The following NEGR1 variants were observed in gnomAD, a reference collection of about 807,000 sequenced individuals.
NEGR1 encodes IgLON family member 4.
A neutral mutation model predicts 40.9 loss-of-function variants in NEGR1; 10 were observed. That is an observed-to-expected ratio of 0.24 (90% CI 0.15 to 0.42). NEGR1 has a LOEUF of 0.42. Among genes scored for constraint, NEGR1 ranks in the 10% least tolerant of loss-of-function variants. NEGR1 has a pLI of 1.00. For missense variants in NEGR1, 352 were observed against 438.9 expected (o/e 0.80, Z 1.77); for synonymous variants, 185 against 166.8 (o/e 1.11, Z -0.84).
intron 3 of NEGR1, among the ~76,000 whole-genome samples, chr1:71,716,876 C>G (rs958759740): frequency 6.6e-6 from 1 of 151,998 alleles, no homozygotes; most frequent in African/African-American, 2.4e-5. Flanking sequence ...CATTGTTTTT[C>G]CCTTAAAAAT....
intron 6 of NEGR1, among the ~76,000 whole-genome samples, chr1:71,549,341 C>G (rs1225835170): frequency 6.6e-6 from 1 of 151,680 alleles, no homozygotes; most frequent in Admixed American, 6.6e-5. Context: ...CTGGAAAGAA[C>G]AAAAGTTATC....
At chr1:71,489,511 C>G (rs1646911155) in intron 6 of NEGR1, among the ~76,000 whole-genome samples, 1 of 151,602 alleles carries the variant, frequency 6.6e-6, no homozygotes, top group African/African-American at 2.4e-5. Flanking sequence ...AGTATTTTTT[C>G]CTACTCTAAA....
At chr1:72,185,226 T>C (rs149375259) in intron 1 of NEGR1, among the ~76,000 whole-genome samples, 271 of 151,980 alleles carry the variant, frequency 1.8e-3, no homozygotes, top group African/African-American at 6.2e-3. Flanking sequence ...ATCTTATATA[T>C]GCAATTATTA....
At chr1:72,170,732 A>G (rs930879211) in intron 1 of NEGR1, among the ~76,000 whole-genome samples, 1 of 152,164 alleles carries the variant, frequency 6.6e-6, no homozygotes, top group Non-Finnish European at 1.5e-5. Flanking sequence ...AGAGGCTAAC[A>G]TTTCTTCTGT....
chr1:71,991,432 T>C (rs1646449894), intron 1 of NEGR1, among the ~76,000 whole-genome samples: 3 of 152,236 alleles, frequency 2.0e-5, no homozygotes, highest in Admixed American at 2.0e-4. Context: ...AGAAAACACA[T>C]TTACATTTTA....
intron 1 of NEGR1, among the ~76,000 whole-genome samples, chr1:72,269,662 CCTAACT>C (rs1557606874): frequency 6.6e-6 from 1 of 151,596 alleles, no homozygotes; most frequent in African/African-American, 2.4e-5. Flanking sequence ...ATACATTATA[CCTAACT>C]CTAAGTGATG....
chr1:71,835,001 C>A lies in NEGR1; in HGVS notation c.410-58704G>T, dbSNP rs193234399. ...TTTATGGAACAGCTGGGCAGTTCTG[C>A]CAATCTGGACCAGGCTGGACTGATT... On this transcript the variant is annotated intron_variant, in intron 2 of 6. Transcript: ENST00000357731. Among the ~76,000 whole-genome samples the A allele has an allele frequency of 9.7e-4, 148 of 151,804 alleles. 2 individuals are homozygous for A. Among genetic ancestry groups the A allele is most frequent in the African/African-American group, 3.4e-3 (139 of 41,410 alleles).
At chr1:71,859,305 T>G (rs1303540091) in intron 2 of NEGR1, among the ~76,000 whole-genome samples, 2 of 152,070 alleles carry the variant, frequency 1.3e-5, no homozygotes, top group Admixed American at 6.6e-5. Flanking sequence ...TCTAGTATGT[T>G]CTTTCCTTAA....
At chr1:72,172,786 T>C (rs1353047631) in intron 1 of NEGR1, among the ~76,000 whole-genome samples, 1 of 152,092 alleles carries the variant, frequency 6.6e-6, no homozygotes, top group African/African-American at 2.4e-5. Context: ...CCTTGTGTTT[T>C]TCAGCTTTTA....
intron 1 of NEGR1, among the ~76,000 whole-genome samples, chr1:72,181,986 G>A (rs1380829389): frequency 3.3e-5 from 5 of 151,992 alleles, no homozygotes; most frequent in Non-Finnish European, 5.9e-5. Flanking sequence ...TACAATATGC[G>A]GACCAGAGGT....
intron 1 of NEGR1, among the ~76,000 whole-genome samples, chr1:72,129,078 TC>T (rs1248372870): frequency 6.6e-6 from 1 of 152,132 alleles, no homozygotes; most frequent in Non-Finnish European, 1.5e-5. Context: ...CCACTGGCTT[TC>T]CTAGGTTTCC....
chr1:71,483,651 G>A (rs1646868764), intron 6 of NEGR1, among the ~76,000 whole-genome samples: 1 of 151,666 alleles, frequency 6.6e-6, no homozygotes, highest in African/African-American at 2.4e-5. Context: ...TGCCAGGTGT[G>A]CCCTAATGAG....
chr1:71,522,180 C>T (rs551504622), intron 6 of NEGR1, among the ~76,000 whole-genome samples: 2 of 152,084 alleles, frequency 1.3e-5, no homozygotes, highest in South Asian at 2.1e-4. Context: ...ACATTCCTGA[C>T]TCCACCATTG....
chr1:71,996,128 G>A (rs1646502891), intron 1 of NEGR1, among the ~76,000 whole-genome samples: 1 of 151,856 alleles, frequency 6.6e-6, no homozygotes, highest in Non-Finnish European at 1.5e-5. Context: ...AGATTTTTTT[G>A]CACCACTGGA....
intron 3 of NEGR1, among the ~76,000 whole-genome samples, chr1:71,725,209 C>G (rs1654631884): frequency 6.6e-6 from 1 of 152,084 alleles, no homozygotes; most frequent in Admixed American, 6.6e-5. Flanking sequence ...CTAATAATAG[C>G]TAAAATTTAC....
intron 4 of NEGR1, among the ~76,000 whole-genome samples, chr1:71,660,944 T>A (rs1310683794): frequency 2.6e-5 from 4 of 152,180 alleles, no homozygotes; most frequent in African/African-American, 9.7e-5. Context: ...AATGAGAACA[T>A]GCAGTGTTTG....
intron 6 of NEGR1, among the ~76,000 whole-genome samples, chr1:71,474,265 T>A (rs972574729): frequency 1.4e-5 from 2 of 146,374 alleles, no homozygotes; most frequent in Non-Finnish European, 3.0e-5. Context: ...ATGGAATAAA[T>A]AAAGAAAACA....
At chr1:72,280,371 G>T (rs1315426181) in intron 1 of NEGR1, among the ~76,000 whole-genome samples, 1 of 152,184 alleles carries the variant, frequency 6.6e-6, no homozygotes, top group Non-Finnish European at 1.5e-5. Flanking sequence ...AAACCCTTTA[G>T]GGTGGAAATG....
At chr1:71,707,047 A>G (rs1195079621) in intron 3 of NEGR1, among the ~76,000 whole-genome samples, 1 of 152,140 alleles carries the variant, frequency 6.6e-6, no homozygotes, top group Non-Finnish European at 1.5e-5. Context: ...CCGAAGAAGG[A>G]GGATTTAAAC....
Sources: allele counts gnomAD v4.1 joint callset (sites outside exome capture counted in the v4.1 genomes callset), GRCh38; gene constraint gnomAD v4.1.1; transcripts MANE v1.5; gene names NCBI Gene and HGNC (gene_info 2026-07-23, HGNC 2026-07-21).